DNAAF9: variants seen among roughly 807,000 people sequenced by gnomAD.
The protein encoded by DNAAF9 is shulin.
Under a neutral mutation model 167.0 loss-of-function variants are expected in DNAAF9, and 90 were observed. That is an observed-to-expected ratio of 0.54 (90% CI 0.45 to 0.64). The LOEUF (loss-of-function observed/expected upper bound fraction) is 0.64, where lower values mean the gene tolerates loss of function less well. Ranked by LOEUF, DNAAF9 falls within the 30% of genes least tolerant of loss-of-function variation. The pLI is 0.00. For synonymous variants in DNAAF9, 491 were observed against 508.8 expected, an observed-to-expected ratio of 0.96 and a Z score of 0.47; for missense variants, 1,315 against 1,442.2, an observed-to-expected ratio of 0.91 and a Z score of 1.43.
intron 20 of DNAAF9, among the ~76,000 whole-genome samples, chr20:3,314,663 G>A (rs958802362): frequency 4.5e-4 from 68 of 152,280 alleles, no homozygotes; most frequent in African/African-American, 1.6e-3. Flanking sequence ...AGAACTGTGA[G>A]ATAATAAGAG....
At chr20:3,272,652 G>A (rs892649539) in intron 29 of DNAAF9, among the ~76,000 whole-genome samples, 4 of 152,156 alleles carry the variant, frequency 2.6e-5, no homozygotes, top group African/African-American at 9.7e-5. Flanking sequence ...GATGTAAAGA[G>A]TATCTCTCCT....
intron 20 of DNAAF9, among the ~76,000 whole-genome samples, chr20:3,313,752 A>G (rs1427258836): frequency 6.6e-6 from 1 of 152,236 alleles, no homozygotes. Context: ...TACTGGCAAG[A>G]GGCAGGCTGT....
Position 3,252,552 on chromosome 20 carries a change from C to T in DNAAF9, c.*20G>A, listed in dbSNP as rs369790221. 1.3e-5 allele frequency: 17 copies of T among 1,311,212 alleles called. No homozygotes were observed. The highest frequency in any genetic ancestry group is 2.3e-5 in the East Asian group (1 of 43,510). 81.2% of individuals were successfully genotyped at this position (1,311,212 alleles called of 1,614,324 possible). The stretch of plus-strand genomic sequence containing the variant: ...TCTCCAAGGTGGACATTCTGCAGGA[C>T]GTACGGGCCCAGCCTTCCTCTAGGG... On this transcript the variant is annotated 3_prime_UTR_variant, in exon 37 of 37. Transcript: ENST00000252032.
chr20:3,280,496 C>T (rs1192066216), intron 28 of DNAAF9, among the ~76,000 whole-genome samples: 3 of 150,900 alleles, frequency 2.0e-5, no homozygotes, highest in African/African-American at 2.4e-5. Flanking sequence ...ACCTGGGAGG[C>T]GGAGGTTGCA....
chr20:3,318,909 T>A (rs938073841), intron 16 of DNAAF9, among the ~76,000 whole-genome samples: 3 of 151,258 alleles, frequency 2.0e-5, no homozygotes, highest in African/African-American at 7.3e-5. Flanking sequence ...TGAAACCCCA[T>A]CTCTACTAAA....
chr20:3,361,135 T>C (rs1311817036), intron 6 of DNAAF9, among the ~76,000 whole-genome samples: 1 of 152,050 alleles, frequency 6.6e-6, no homozygotes, highest in Non-Finnish European at 1.5e-5. Context: ...GGAAGTCTCA[T>C]GGAAGGTGTT....
At chr20:3,347,203 T>A (rs1275496657) in intron 8 of DNAAF9, among the ~76,000 whole-genome samples, 1 of 152,152 alleles carries the variant, frequency 6.6e-6, no homozygotes, top group Admixed American at 6.5e-5. Context: ...GAAGGACTTC[T>A]CATCAGAAAT....
At chr20:3,270,397 C>G in intron 30 of DNAAF9, 30 bp downstream of exon 30, 1 of 1,603,414 alleles carries the variant, frequency 6.2e-7, no homozygotes, top group Non-Finnish European at 8.5e-7. Flanking sequence ...GAGAAAGCAA[C>G]TGGTCTTGCA....
rs139050176 is a variant in DNAAF9, at chr20:3,260,988, A to G, written c.2874-960T>C. Among the ~76,000 whole-genome samples, 301 of 152,300 alleles carry G rather than the reference A, an allele frequency of 2.0e-3. 2 individuals carry two copies. Among genetic ancestry groups the G allele is most frequent in the Non-Finnish European group, 3.0e-3 (202 of 68,034 alleles). The stretch of plus-strand genomic sequence containing the variant: ...GCCCCGCCATTTTGTTGCAGGCAGC[A>G]TAACAGGTTGTACATATAGATGTGT... On this transcript the variant is annotated intron_variant, in intron 31 of 36. Coordinates refer to ENST00000252032, the MANE Select transcript of DNAAF9 (RefSeq NM_001009984.3).
chr20:3,310,785 T>A (rs1217603093), intron 20 of DNAAF9, among the ~76,000 whole-genome samples: 1 of 151,768 alleles, frequency 6.6e-6, no homozygotes, highest in African/African-American at 2.4e-5. Context: ...GGAAGTATAA[T>A]AGCTTGGCCA....
chr20:3,300,103 A>T lies in DNAAF9; in HGVS notation c.1783-1928T>A, dbSNP rs757462912. 4.8e-4 allele frequency among the ~76,000 whole-genome samples: 73 copies of T among 152,152 alleles called. 1 individual carries two copies. The highest frequency in any genetic ancestry group is 3.5e-4 in the Non-Finnish European group (24 of 68,028). ...TTATTAGTAGAAACAGGGTTTCACC[A>T]TGCTGGCCAGGTTGGTCTCAAACTC... On this transcript the variant is annotated intron_variant, in intron 21 of 36. Transcript: ENST00000252032.
chr20:3,326,058 C>T (rs1301185942), intron 13 of DNAAF9, 139 bp downstream of exon 13: 10 of 638,382 alleles, frequency 1.6e-5, no homozygotes, highest in Non-Finnish European at 8.5e-6. Flanking sequence ...GCTCTCAGGG[C>T]TTCTCTCTGC....
intron 20 of DNAAF9, among the ~76,000 whole-genome samples, chr20:3,306,079 C>G (rs1275924527): frequency 6.6e-6 from 1 of 152,186 alleles, no homozygotes; most frequent in Non-Finnish European, 1.5e-5. Context: ...ACCTACTGCC[C>G]TCCTGACCAT....
chr20:3,306,384 AC>A (rs1286367321), intron 20 of DNAAF9, among the ~76,000 whole-genome samples: 7 of 152,210 alleles, frequency 4.6e-5, no homozygotes, highest in African/African-American at 1.7e-4. Flanking sequence ...CTGGGACAGG[AC>A]TTAACCTTTA....
intron 9 of DNAAF9, among the ~76,000 whole-genome samples, chr20:3,342,514 T>C (rs2070106995): frequency 6.6e-6 from 1 of 152,226 alleles, no homozygotes; most frequent in Admixed American, 6.5e-5. Context: ...CAGTGAATAT[T>C]TGATGACTCT....
At chr20:3,325,664 T>C (rs1418878515) in intron 13 of DNAAF9, among the ~76,000 whole-genome samples, 1 of 152,176 alleles carries the variant, frequency 6.6e-6, no homozygotes, top group African/African-American at 2.4e-5. Flanking sequence ...CTCATCTCCT[T>C]ACTGGGTCAG....
intron 6 of DNAAF9, among the ~76,000 whole-genome samples, chr20:3,365,085 C>T (rs991118702): frequency 1.3e-5 from 2 of 152,076 alleles, no homozygotes; most frequent in East Asian, 1.9e-4. Context: ...ATCCTCCTGC[C>T]TCAGCCTCCA....
intron 8 of DNAAF9, among the ~76,000 whole-genome samples, chr20:3,345,799 T>C (rs1220962145): frequency 6.6e-6 from 1 of 151,974 alleles, no homozygotes; most frequent in Non-Finnish European, 1.5e-5. Context: ...TTGGAGTATA[T>C]ACTAGAGACA....
intron 6 of DNAAF9, among the ~76,000 whole-genome samples, chr20:3,370,845 G>C (rs568951539): frequency 6.6e-6 from 1 of 152,214 alleles, no homozygotes; most frequent in African/African-American, 2.4e-5. Flanking sequence ...GCCCTTTTCA[G>C]TTTTTTTACA....
Sources: allele counts gnomAD v4.1 joint callset (sites outside exome capture counted in the v4.1 genomes callset), GRCh38; gene constraint gnomAD v4.1.1; transcripts MANE v1.5; gene names NCBI Gene and HGNC (gene_info 2026-07-23, HGNC 2026-07-21).